The following YIF1B variants were observed in gnomAD, a reference collection of about 807,000 sequenced individuals.
The protein encoded by YIF1B is protein YIF1B.
In YIF1B, 24 loss-of-function variants were observed where a neutral mutation model predicts 34.6. That is an observed-to-expected ratio of 0.69 (90% confidence interval 0.50 to 0.98). YIF1B has a LOEUF of 0.98. Among genes scored for constraint, YIF1B ranks in the 50% least tolerant of loss-of-function variants. The probability of loss-of-function intolerance (pLI) is 0.00; values close to 1 mark genes in which losing one functional copy is unlikely to be tolerated. For synonymous variants in YIF1B, 186 were observed against 184.8 expected, an observed-to-expected ratio of 1.01 and a Z score of -0.05; for missense variants, 368 against 429.4, an observed-to-expected ratio of 0.86 and a Z score of 1.26.
intron 1 of YIF1B, chr19:38,315,377 T>TA (rs1969503930): frequency 8.7e-7 from 1 of 1,144,650 alleles, no homozygotes. Flanking sequence ...ACATGGGAGT[T>TA]GAGACAAGTT....
At chr19:38,316,104 G>A, upstream of YIF1B, 1 of 904,204 alleles carries the variant, frequency 1.1e-6, no homozygotes, top group African/African-American at 1.8e-5. Context: ...TTACGTAAGA[G>A]GCGGAGACTG....
chr19:38,315,309 T>G (rs1969501091), intron 1 of YIF1B: 1 of 949,452 alleles, frequency 1.1e-6, no homozygotes, highest in Admixed American at 5.8e-5. Context: ...ACCCCTAGGC[T>G]GGGTCATGTG....
Position 38,305,444 on chromosome 19 carries a change from C to T in YIF1B, c.853G>A (p.Ala285Thr). 3 of 1,610,006 alleles carry T rather than the reference C, an allele frequency of 1.9e-6. No homozygotes were observed. The highest frequency in any genetic ancestry group is 2.5e-6 in the Non-Finnish European group (3 of 1,178,036). Residue 285 changes from alanine (A) to threonine (T), a missense_variant, in exon 8 of 8, where the codon GCC becomes ACC. Physicochemically the swap from Ala to Thr is moderately conservative, Grantham distance 58. Transcript: ENST00000339413. The part of the protein sequence containing the change: ...AAAEGVPVRG[A>T]RNQLRMYLTM... ...AGGTACATGCGCAGCTGGTTCCGGG[C>T]CCCACGCACCGGGACCCCCTCAGCT...
At chr19:38,320,677 G>A (rs1969641697), upstream of YIF1B, among the ~76,000 whole-genome samples, 1 of 151,962 alleles carries the variant, frequency 6.6e-6, no homozygotes, top group Non-Finnish European at 1.5e-5. Context: ...TCCTGCTTCA[G>A]CCTGCCGAGT....
chr19:38,311,942 CA>C (rs1432062410), intron 1 of YIF1B, among the ~76,000 whole-genome samples: 3 of 147,628 alleles, frequency 2.0e-5, no homozygotes, highest in Non-Finnish European at 3.0e-5. Context: ...ACTAAAAATA[CA>C]AAAATGAGCT....
upstream of YIF1B, among the ~76,000 whole-genome samples, chr19:38,319,209 A>C (rs551007873): frequency 6.6e-6 from 1 of 151,528 alleles, no homozygotes; most frequent in East Asian, 1.9e-4. Flanking sequence ...CAATCCTCCG[A>C]CCTCAGCCTC....
chr19:38,317,495 A>T (rs996057000), upstream of YIF1B, among the ~76,000 whole-genome samples: 1 of 151,060 alleles, frequency 6.6e-6, no homozygotes, highest in Non-Finnish European at 1.5e-5. Context: ...GGGCTCCAAC[A>T]CCATTTTCTC....
chr19:38,321,767 A>G (rs1969654294), upstream of YIF1B, among the ~76,000 whole-genome samples: 1 of 152,112 alleles, frequency 6.6e-6, no homozygotes, highest in Non-Finnish European at 1.5e-5. Context: ...GGGTCTGCCC[A>G]TGCTGCCAGG....
At chr19:38,309,373 TC>T in intron 2 of YIF1B, 31 bp downstream of exon 2, 2 of 1,612,224 alleles carry the variant, frequency 1.2e-6, no homozygotes, top group Non-Finnish European at 1.7e-6. Flanking sequence ...GCCCCGTGCA[TC>T]CCCCCACTCC....
Position 38,315,858 on chromosome 19 carries a change from A to G in YIF1B, c.58+2T>C. 6.7e-7 allele frequency: 1 copy of G among 1,497,890 alleles called. No homozygotes were observed. Among genetic ancestry groups the G allele is most frequent in the African/African-American group, 1.5e-5 (1 of 68,042 alleles). 92.8% of individuals were successfully genotyped at this position (1,497,890 alleles called of 1,614,324 possible). A position where few individuals can be genotyped will look rare whatever the true frequency, so the allele number is the denominator to read the frequency against. On this transcript the variant is annotated splice_donor_variant, in intron 1 of 7. Coordinates refer to ENST00000339413, the MANE Select transcript of YIF1B (RefSeq NM_001039672.3). LOFTEE classifies it high-confidence loss of function. ...GCCCGATCTCCTCCGCCGGCCACGTACGCCACTTACGCAGCCGGGGCGTCC... is the reference window on the plus strand; with the variant it reads ...GCCCGATCTCCTCCGCCGGCCACGTGCGCCACTTACGCAGCCGGGGCGTCC...
chr19:38,309,657 G>T lies in YIF1B; in HGVS notation c.59-14C>A. The T allele has an allele frequency of 6.3e-7, 1 of 1,590,140 alleles. No homozygotes were observed. On this transcript the variant is annotated splice_polypyrimidine_tract_variant and intron_variant, in intron 1 of 7. Transcript: ENST00000339413. ...TCCGCTTCGAGGCTGCAAGGGAAGA[G>T]AGTGAGAAGGAGCTGGGGACCCAGG... is the stretch of plus-strand genomic sequence containing the variant.
At chr19:38,319,851 C>A (rs770503017), upstream of YIF1B, 4 of 1,177,128 alleles carry the variant, frequency 3.4e-6, no homozygotes, top group Non-Finnish European at 4.4e-6. Context: ...TGCTGCCGCG[C>A]CTGTAGCACT....
chr19:38,308,046 G>A (rs1969140110), intron 5 of YIF1B, among the ~76,000 whole-genome samples: 1 of 152,180 alleles, frequency 6.6e-6, no homozygotes, highest in African/African-American at 2.4e-5. Context: ...AAGCCTGCAG[G>A]AAGGAGCTGG....
intron 1 of YIF1B, among the ~76,000 whole-genome samples, chr19:38,312,944 C>T (rs1364919757): frequency 6.7e-6 from 1 of 148,588 alleles, no homozygotes; most frequent in Non-Finnish European, 1.5e-5. Flanking sequence ...CCTTTTCTTT[C>T]CCCTACTTCT....
At chr19:38,319,932 C>T, upstream of YIF1B, 2 of 1,399,376 alleles carry the variant, frequency 1.4e-6, no homozygotes, top group African/African-American at 1.5e-5. Flanking sequence ...CCAGGGCTCG[C>T]GGGGTCCCGG....
intron 7 of YIF1B, chr19:38,307,226 T>C (rs1247336013): frequency 1.5e-5 from 9 of 603,184 alleles, no homozygotes; most frequent in Admixed American, 8.8e-5. Context: ...GCAGCCTGGC[T>C]GGTGTCTCCT....
upstream of YIF1B, among the ~76,000 whole-genome samples, chr19:38,319,671 G>A (rs1008025450): frequency 1.9e-4 from 29 of 152,294 alleles, no homozygotes; most frequent in African/African-American, 7.0e-4. Context: ...GGGGAAGAGA[G>A]GACTACCTCC....
rs139805446 is a variant in YIF1B at position 38,304,906 on chromosome 19, TGAAGAA to T, written c.*440_*445del. On this transcript the variant is annotated 3_prime_UTR_variant, in exon 8 of 8. Coordinates refer to ENST00000339413, the MANE Select transcript of YIF1B (RefSeq NM_001039672.3). ...CCGGGCAAGGCCAAGAAGCCCAAAGTGAAGAAGAAGGAGAAGGGCAAGAAGGAGAAG... is the reference window on the plus strand; with the variant it reads ...CCGGGCAAGGCCAAGAAGCCCAAAGTGAAGGAGAAGGGCAAGAAGGAGAAG... 1.2e-5 allele frequency: 19 copies of T among 1,551,528 alleles called. No individual in the cohort carries two copies. The highest frequency in any genetic ancestry group is 1.8e-4 in the Middle Eastern group (1 of 5,698).
At position 38,304,248 on chromosome 19, in the gene YIF1B, C is replaced by A; in HGVS notation, c.*1104G>T. ...AGGCGCCCTTGGCCTTAGGACCCAA[C>A]TTCTCTTACCGCCATGGAGTTCGAC... On this transcript the variant is annotated 3_prime_UTR_variant, in exon 8 of 8. Coordinates refer to ENST00000339413, the MANE Select transcript of YIF1B (RefSeq NM_001039672.3). 6.2e-7 allele frequency: 1 copy of A among 1,613,622 alleles called. No individual in the cohort carries two copies. Among genetic ancestry groups the A allele is most frequent in the South Asian group, 1.1e-5 (1 of 91,070 alleles).
Sources: allele counts gnomAD v4.1 joint callset (sites outside exome capture counted in the v4.1 genomes callset), GRCh38; gene constraint gnomAD v4.1.1; transcripts MANE v1.5; gene names NCBI Gene and HGNC (gene_info 2026-07-23, HGNC 2026-07-21).